ACYP2: variants seen among roughly 807,000 people sequenced by gnomAD.
ACYP2 encodes acylphosphatase 2.
A neutral mutation model predicts 11.2 loss-of-function variants in ACYP2; 12 were observed. That is an observed-to-expected ratio of 1.08 (90% CI 0.69 to 1.74). The LOEUF (loss-of-function observed/expected upper bound fraction) is 1.74. Ranked by LOEUF, ACYP2 falls within the 40% of genes most tolerant of loss-of-function variation. The pLI is 0.00. For synonymous variants in ACYP2, 43 were observed against 32.2 expected (o/e 1.33, Z -1.13); for missense variants, 134 against 101.9 (o/e 1.31, Z -1.35).
chr2:53,996,171 C>T (rs771502298), intron 2 of ACYP2, among the ~76,000 whole-genome samples: 5 of 151,942 alleles, frequency 3.3e-5, no homozygotes, highest in Non-Finnish European at 7.4e-5. Context: ...AATGTACAAA[C>T]GGCTATTCTA....
chr2:54,020,207 G>A (rs933873631), intron 2 of ACYP2, among the ~76,000 whole-genome samples: 3 of 152,176 alleles, frequency 2.0e-5, no homozygotes, highest in South Asian at 2.1e-4. Flanking sequence ...AAAGTGCTGC[G>A]ATTACAGGCG....
intron 6 of ACYP2, among the ~76,000 whole-genome samples, chr2:54,175,287 A>G (rs10195704): frequency 0.13 from 20,137 of 151,922 alleles, 3,147 homozygotes; most frequent in African/African-American, 0.38. Flanking sequence ...GAATTTATCC[A>G]TTTCTTCTAT....
At chr2:54,166,562 C>T (rs1031659006) in intron 6 of ACYP2, among the ~76,000 whole-genome samples, 11 of 152,176 alleles carry the variant, frequency 7.2e-5, no homozygotes, top group African/African-American at 2.7e-4. Context: ...AAAAATTGCT[C>T]ATTATCATGT....
chr2:54,135,994 C>T (rs1190930697), intron 5 of ACYP2, among the ~76,000 whole-genome samples: 2 of 152,190 alleles, frequency 1.3e-5, no homozygotes, highest in Non-Finnish European at 2.9e-5. Context: ...GCCTTCCAGG[C>T]TCAAGTGATT....
intron 6 of ACYP2, among the ~76,000 whole-genome samples, chr2:54,242,013 CA>C (rs1309970491): frequency 6.6e-6 from 1 of 151,604 alleles, no homozygotes; most frequent in African/African-American, 2.4e-5. Context: ...GACACTGTAT[CA>C]AAAAAGAAAA....
Position 53,980,362 on chromosome 2 carries a change from AT to A in ACYP2, c.62+6564del, listed in dbSNP as rs1420242365. Among the ~76,000 whole-genome samples the A allele has an allele frequency of 1.1e-3, 159 of 148,288 alleles. 1 individual carries two copies. The highest frequency in any genetic ancestry group is 2.0e-3 in the African/African-American group (80 of 40,488). On this transcript the variant is annotated intron_variant, in intron 2 of 6. Coordinates refer to ENST00000607452, the MANE Select transcript of ACYP2 (RefSeq NM_001320586.2). ...AGTGAGACCCTGTCTCAAAAAAAAA[AT>A]TTTTTTTTTTTATAAAAAGAAAAAG...
At chr2:54,277,172 C>T (rs993703040) in intron 6 of ACYP2, among the ~76,000 whole-genome samples, 1 of 152,084 alleles carries the variant, frequency 6.6e-6, no homozygotes, top group Non-Finnish European at 1.5e-5. Flanking sequence ...AAAGTGCATG[C>T]TCATTTTATT....
intron 3 of ACYP2, chr2:54,051,810 C>A (rs574211957): frequency 7.5e-4 from 280 of 373,084 alleles, no homozygotes; most frequent in Non-Finnish European, 1.0e-3. Context: ...TTTGGGAGGC[C>A]GAGGCAGGAA....
At chr2:54,107,634 C>A (rs1483495158) in intron 4 of ACYP2, among the ~76,000 whole-genome samples, 2 of 152,148 alleles carry the variant, frequency 1.3e-5, no homozygotes, top group South Asian at 2.1e-4. Context: ...AAGTTGTTGG[C>A]AGGGCTAATG....
At chr2:54,039,287 C>A (rs185002374) in intron 2 of ACYP2, among the ~76,000 whole-genome samples, 104 of 41,838 alleles carry the variant, frequency 2.5e-3, no homozygotes, top group African/African-American at 9.0e-3. Context: ...CTCTTTTTTT[C>A]TTTTTCCTTT....
At chr2:54,093,777 A>C (rs1031701891) in intron 4 of ACYP2, among the ~76,000 whole-genome samples, 3 of 152,040 alleles carry the variant, frequency 2.0e-5, no homozygotes, top group African/African-American at 7.2e-5. Context: ...CGTCTCTACT[A>C]AAAATACAAA....
chr2:54,079,358 T>A (rs140020978), intron 4 of ACYP2, among the ~76,000 whole-genome samples: 29 of 152,330 alleles, frequency 1.9e-4, no homozygotes, highest in Non-Finnish European at 3.7e-4. Flanking sequence ...TAATCAAACC[T>A]AAGCCAATCA....
intron 6 of ACYP2, among the ~76,000 whole-genome samples, chr2:54,201,577 C>G (rs1394500757): frequency 7.7e-6 from 1 of 130,130 alleles, no homozygotes; most frequent in Non-Finnish European, 1.7e-5. Context: ...TGATAGCCAG[C>G]TTCTTTTTCT....
chr2:54,170,931 C>T (rs1291493746), intron 6 of ACYP2, among the ~76,000 whole-genome samples: 3 of 152,136 alleles, frequency 2.0e-5, no homozygotes, highest in African/African-American at 4.8e-5. Context: ...TGAGGTGCAG[C>T]GCCATCCAAG....
At chr2:53,973,901 G>A (rs143369190) in intron 2 of ACYP2, 47,140 of 85,568 alleles carry the variant, frequency 0.55, 10,991 homozygotes, top group South Asian at 0.63. Flanking sequence ...GTGTGTGTGT[G>A]TATATATTTT....
chr2:54,200,550 G>A (rs565268577), intron 6 of ACYP2, among the ~76,000 whole-genome samples: 1 of 152,228 alleles, frequency 6.6e-6, no homozygotes, highest in South Asian at 2.1e-4. Flanking sequence ...TTTCACTGAG[G>A]ATAATGTTTT....
At chr2:54,188,714 C>T (rs1388469259) in intron 6 of ACYP2, among the ~76,000 whole-genome samples, 1 of 152,196 alleles carries the variant, frequency 6.6e-6, no homozygotes, top group Non-Finnish European at 1.5e-5. Flanking sequence ...CCATGGCCAG[C>T]AACCATGGGA....
intron 6 of ACYP2, among the ~76,000 whole-genome samples, chr2:54,202,404 G>GTTTTTTT (rs1684879555): frequency 1.5e-5 from 2 of 130,298 alleles, no homozygotes; most frequent in African/African-American, 7.0e-5. Context: ...ACTGTGCCTG[G>GTTTTTTT]CTTTTTTTTT....
intron 4 of ACYP2, among the ~76,000 whole-genome samples, chr2:54,133,073 A>T (rs1681009170): frequency 6.6e-6 from 1 of 152,278 alleles, no homozygotes; most frequent in Non-Finnish European, 1.5e-5. Context: ...GCATACAGTC[A>T]TGTAATCCTC....
Sources: allele counts gnomAD v4.1 joint callset (sites outside exome capture counted in the v4.1 genomes callset), GRCh38; gene constraint gnomAD v4.1.1; transcripts MANE v1.5; gene names NCBI Gene and HGNC (gene_info 2026-07-23, HGNC 2026-07-21).